Variants in ERAP1 observed in about 807,000 individuals in gnomAD.
ERAP1 encodes the protein endoplasmic reticulum aminopeptidase 1.
Under a neutral mutation model 103.7 loss-of-function variants are expected in ERAP1, and 86 were observed. That is an observed-to-expected ratio of 0.83 (90% CI 0.70 to 0.99). ERAP1 has a LOEUF of 0.99. ERAP1 is among the 50% of genes least tolerant of loss of function. The pLI, the probability that ERAP1 is intolerant of heterozygous loss-of-function variation, is 0.00. For missense variants in ERAP1, 1,009 were observed against 1,128.4 expected, an observed-to-expected ratio of 0.89 and a Z score of 1.52; for synonymous variants, 398 against 402.4, an observed-to-expected ratio of 0.99 and a Z score of 0.13.
the ERAP1 span, among the ~76,000 whole-genome samples, chr5:96,893,901 G>T: frequency 6.6e-6 from 1 of 152,090 alleles, no homozygotes; most frequent in African/African-American, 2.4e-5. Flanking sequence ...TTCTGAACAT[G>T]CCAGGTTGTA....
intron 19 of ERAP1, chr5:96,766,258 T>A (rs1427151347): frequency 6.4e-6 from 4 of 623,630 alleles, no homozygotes; most frequent in Non-Finnish European, 1.1e-5. Flanking sequence ...AAACATACCA[T>A]GACTGACTGC....
the ERAP1 span, among the ~76,000 whole-genome samples, chr5:96,870,800 C>T: frequency 6.6e-6 from 1 of 152,124 alleles, no homozygotes; most frequent in Non-Finnish European, 1.5e-5. Context: ...TTAGGCAGGA[C>T]CAGAGCAGAG....
chr5:96,917,465 A>T, the ERAP1 span: 5 of 1,605,298 alleles, frequency 3.1e-6, no homozygotes, highest in Non-Finnish European at 8.5e-7. Context: ...TTTACAGGTG[A>T]AACTATTTTT....
chr5:96,900,660 A>AAT, the ERAP1 span, among the ~76,000 whole-genome samples: 31 of 152,126 alleles, frequency 2.0e-4, no homozygotes, highest in East Asian at 5.8e-4. Flanking sequence ...TAATCCCCTG[A>AAT]ATATATATAT....
the ERAP1 span, among the ~76,000 whole-genome samples, chr5:96,894,267 C>A: frequency 6.6e-6 from 1 of 152,162 alleles, no homozygotes; most frequent in Non-Finnish European, 1.5e-5. Flanking sequence ...TTCTTATATT[C>A]ACCGGTTTTC....
the ERAP1 span, among the ~76,000 whole-genome samples, chr5:96,836,785 A>G: frequency 5.9e-5 from 9 of 152,220 alleles, no homozygotes; most frequent in Admixed American, 3.3e-4. Context: ...CATCCATTGA[A>G]AAGCAGGCCT....
At chr5:96,935,007 A>T in the ERAP1 span, 3 of 152,070 alleles carry the variant, frequency 2.0e-5, no homozygotes, top group Non-Finnish European at 4.4e-5. Flanking sequence ...TCGGCCTCGG[A>T]GGCTAGCGGG....
chr5:96,793,264 C>A, intron 7 of ERAP1, 136 bp downstream of exon 7: 1 of 730,846 alleles, frequency 1.4e-6, no homozygotes, highest in Non-Finnish European at 2.4e-6. Context: ...CAACACGATT[C>A]ATATCTAAAC....
chr5:96,770,579 G>C, downstream of ERAP1: 4 of 1,612,528 alleles, frequency 2.5e-6, no homozygotes, highest in Non-Finnish European at 3.4e-6. Context: ...TAAGAATGGA[G>C]GTAAAGCGAA....
At chr5:96,874,173 A>AGAAAGAAAGAAAGAAG in the ERAP1 span, among the ~76,000 whole-genome samples, 3 of 83,998 alleles carry the variant, frequency 3.6e-5, no homozygotes, top group South Asian at 1.2e-3. Flanking sequence ...AAAGAAAGAA[A>AGAAAGAAAGAAAGAAG]GAAAGAAAGA....
At chr5:96,901,611 C>T in the ERAP1 span, 41 of 1,613,994 alleles carry the variant, frequency 2.5e-5, no homozygotes, top group East Asian at 8.9e-5. Flanking sequence ...GTGTTCACTC[C>T]GACTGCAACA....
the ERAP1 span, among the ~76,000 whole-genome samples, chr5:96,833,252 T>C: frequency 6.6e-6 from 1 of 152,216 alleles, no homozygotes; most frequent in Non-Finnish European, 1.5e-5. Context: ...GGTGACACTT[T>C]AGGATTGCTG....
At chr5:96,781,563 G>A in intron 16 of ERAP1, 130 bp downstream of exon 16, 1 of 1,184,568 alleles carries the variant, frequency 8.4e-7, no homozygotes, top group African/African-American at 1.5e-5. Context: ...CATTAGATGT[G>A]TGCTGACTTG....
intron 8 of ERAP1, among the ~76,000 whole-genome samples, chr5:96,791,762 A>T (rs2150956783): frequency 6.6e-6 from 1 of 152,372 alleles, no homozygotes; most frequent in East Asian, 1.9e-4. Context: ...ATTTTTGTCT[A>T]GTACAAAGTT....
chr5:96,881,834 T>C, the ERAP1 span, among the ~76,000 whole-genome samples: 1 of 152,140 alleles, frequency 6.6e-6, no homozygotes, highest in Non-Finnish European at 1.5e-5. Context: ...TTTACAAAGA[T>C]TTCCCACCCA....
chr5:96,901,568 A>G, the ERAP1 span: 2 of 1,614,116 alleles, frequency 1.2e-6, no homozygotes, highest in South Asian at 2.2e-5. Flanking sequence ...CTCTCCAGAA[A>G]GGAATCCCCC....
At chr5:96,808,462 C>T (rs1778946745), upstream of ERAP1, among the ~76,000 whole-genome samples, 1 of 151,820 alleles carries the variant, frequency 6.6e-6, no homozygotes, top group African/African-American at 2.4e-5. Context: ...GGGCTGAGAG[C>T]TCTTGGCCCG....
At chr5:96,847,116 C>T in the ERAP1 span, among the ~76,000 whole-genome samples, 6,908 of 150,380 alleles carry the variant, frequency 0.046, 205 homozygotes, top group South Asian at 0.1. Context: ...GACGTGGCTG[C>T]GTGCACCTGT....
the ERAP1 span, among the ~76,000 whole-genome samples, chr5:96,926,880 A>G: frequency 2.6e-5 from 4 of 152,214 alleles, no homozygotes; most frequent in Admixed American, 2.6e-4. Flanking sequence ...GCACTGGTGC[A>G]GTCTCAGCTC....
Sources: allele counts gnomAD v4.1 joint callset (sites outside exome capture counted in the v4.1 genomes callset), GRCh38; gene constraint gnomAD v4.1.1; transcripts MANE v1.5; gene names NCBI Gene and HGNC (gene_info 2026-07-23, HGNC 2026-07-21).